Variants in ARMC7 observed in about 807,000 individuals in gnomAD.
ARMC7 encodes the protein armadillo repeat-containing protein 7.
A neutral mutation model predicts 14.8 loss-of-function variants in ARMC7; 9 were observed. The observed-to-expected ratio is 0.61, with a 90% CI of 0.37 to 1.06. The LOEUF is 1.06. Ranked by LOEUF, ARMC7 falls within the 50% of genes least tolerant of loss-of-function variation. ARMC7 has a pLI of 0.01. For synonymous variants in ARMC7, 125 were observed against 123.4 expected (o/e 1.01, Z -0.09); for missense variants, 262 against 267.1 (o/e 0.98, Z 0.13).
intron 2 of ARMC7, among the ~76,000 whole-genome samples, chr17:75,113,577 A>G (rs8066097): frequency 1.3e-5 from 2 of 151,328 alleles, no homozygotes; most frequent in Admixed American, 6.6e-5. Context: ...GGATGGGCTC[A>G]ATCTCCTGAC....
intron 2 of ARMC7, among the ~76,000 whole-genome samples, chr17:75,119,147 C>T (rs962376888): frequency 6.6e-6 from 1 of 151,868 alleles, no homozygotes; most frequent in Non-Finnish European, 1.5e-5. Context: ...GGACTGTACA[C>T]TGGTACACTG....
chr17:75,114,096 A>G (rs932364657), intron 2 of ARMC7: 1 of 401,086 alleles, frequency 2.5e-6, no homozygotes, highest in African/African-American at 2.1e-5. Flanking sequence ...TTATTATGCC[A>G]AACAAATATT....
chr17:75,116,669 A>G lies in ARMC7; in HGVS notation c.235+6063A>G, dbSNP rs181560449. On this transcript the variant is annotated intron_variant, in intron 2 of 2. Coordinates refer to ENST00000245543, the MANE Select transcript of ARMC7 (RefSeq NM_024585.4). The stretch of plus-strand genomic sequence containing the variant: ...CAGACCTGAGACTTAAACCCAGAGC[A>G]GTCAGAGTCTACAAGCTAGTCCCTT... Among the ~76,000 whole-genome samples the G allele has an allele frequency of 5.3e-3, 804 of 152,356 alleles. 4 individuals are homozygous for G. Among genetic ancestry groups the G allele is most frequent in the African/African-American group, 0.018 (744 of 41,594 alleles).
intron 2 of ARMC7, chr17:75,114,591 C>A: frequency 2.5e-6 from 1 of 395,178 alleles, no homozygotes; most frequent in Non-Finnish European, 4.5e-6. Flanking sequence ...GCGTCGCAAG[C>A]AGTTGTGGGA....
chr17:75,111,876 G>T (rs923244744), intron 2 of ARMC7, among the ~76,000 whole-genome samples: 1 of 151,494 alleles, frequency 6.6e-6, no homozygotes, highest in Non-Finnish European at 1.5e-5. Context: ...TTTATTGCGC[G>T]TGTACCGTAT....
chr17:75,126,220 C>T (rs959381149), intron 2 of ARMC7, among the ~76,000 whole-genome samples: 7 of 152,140 alleles, frequency 4.6e-5, no homozygotes, highest in African/African-American at 7.2e-5. Flanking sequence ...GTCATCTTCC[C>T]GCAGGGAGCA....
chr17:75,115,870 A>G (rs1206573440), intron 2 of ARMC7, among the ~76,000 whole-genome samples: 1 of 152,140 alleles, frequency 6.6e-6, no homozygotes, highest in Admixed American at 6.6e-5. Context: ...TAAATGAAAC[A>G]CCACAGTGCT....
At chr17:75,121,990 G>A (rs991391480) in intron 2 of ARMC7, among the ~76,000 whole-genome samples, 1 of 152,090 alleles carries the variant, frequency 6.6e-6, no homozygotes, top group African/African-American at 2.4e-5. Context: ...TGTTAATGGT[G>A]TCGTTTGATG....
At chr17:75,112,153 T>G (rs2073928594) in intron 2 of ARMC7, among the ~76,000 whole-genome samples, 1 of 152,106 alleles carries the variant, frequency 6.6e-6, no homozygotes, top group Admixed American at 6.6e-5. Context: ...AAGGCTGATG[T>G]GGGAGGATCG....
chr17:75,126,815 C>T (rs1369646595), intron 2 of ARMC7, among the ~76,000 whole-genome samples: 1 of 152,034 alleles, frequency 6.6e-6, no homozygotes, highest in South Asian at 2.1e-4. Flanking sequence ...AATCCCAGCA[C>T]TTTGGGAGGC....
chr17:75,126,373 A>G (rs1023188188), intron 2 of ARMC7, among the ~76,000 whole-genome samples: 2 of 152,220 alleles, frequency 1.3e-5, no homozygotes, highest in African/African-American at 2.4e-5. Flanking sequence ...TCTTTGATCC[A>G]GAACCACTGA....
At chr17:75,113,413 G>A (rs1420599445) in intron 2 of ARMC7, among the ~76,000 whole-genome samples, 1 of 150,570 alleles carries the variant, frequency 6.6e-6, no homozygotes, top group Non-Finnish European at 1.5e-5. Context: ...GGAGTGCAGT[G>A]GCGCGATCTC....
At chr17:75,125,291 G>A (rs1938673732) in intron 2 of ARMC7, among the ~76,000 whole-genome samples, 1 of 152,202 alleles carries the variant, frequency 6.6e-6, no homozygotes, top group African/African-American at 2.4e-5. Context: ...AGGTGATGAA[G>A]GGCTGCCCTG....
intron 2 of ARMC7, among the ~76,000 whole-genome samples, chr17:75,118,909 C>T (rs926543245): frequency 1.3e-4 from 20 of 152,222 alleles, no homozygotes; most frequent in Admixed American, 5.9e-4. Context: ...CTGGGGCTCC[C>T]GCTGTTAGTG....
In ARMC7 at chr17:75,120,454, T is replaced by C. The variant is rs143335416; in HGVS notation, c.236-8223T>C. Reference sequence around the variant, plus strand: ...CTTGCTTCTTGTTTTCTCTCTGTCTTGTGCAGAGCATGTTCATCAGGAAGT... The same window carrying C: ...CTTGCTTCTTGTTTTCTCTCTGTCTCGTGCAGAGCATGTTCATCAGGAAGT... On this transcript the variant is annotated intron_variant, in intron 2 of 2. Transcript: ENST00000245543. Among the ~76,000 whole-genome samples, 245 of 152,286 alleles carry C rather than the reference T, an allele frequency of 1.6e-3. 1 individual carries two copies. The highest frequency in any genetic ancestry group is 2.8e-3 in the Non-Finnish European group (188 of 68,028).
chr17:75,121,229 T>A (rs1480120132), intron 2 of ARMC7, among the ~76,000 whole-genome samples: 2 of 152,236 alleles, frequency 1.3e-5, no homozygotes, highest in Non-Finnish European at 2.9e-5. Flanking sequence ...AGAAGCTTTA[T>A]GAATGAAGCT....
intron 2 of ARMC7, among the ~76,000 whole-genome samples, chr17:75,117,293 T>C (rs543605158): frequency 9.9e-4 from 151 of 152,282 alleles, no homozygotes; most frequent in Non-Finnish European, 2.0e-3. Context: ...GCCAGGCTGA[T>C]CTCGAACTCC....
chr17:75,128,610 C>T lies in ARMC7; in HGVS notation c.236-67C>T, dbSNP rs912876018. The T allele has an allele frequency of 6.3e-5, 97 of 1,547,994 alleles. No homozygotes were observed. In the African/African-American group the frequency reaches 9.5e-4, roughly 15 times the overall value. On this transcript the variant is annotated intron_variant, in intron 2 of 2. Coordinates refer to ENST00000245543, the MANE Select transcript of ARMC7 (RefSeq NM_024585.4). ...ACAGCCTGGGCCCCTACCTGGGGCTCACGGGCAGGGGAGGTGGGAGGAGGC... is the reference window on the plus strand; with the variant it reads ...ACAGCCTGGGCCCCTACCTGGGGCTTACGGGCAGGGGAGGTGGGAGGAGGC...
At chr17:75,126,987 G>A (rs533414842) in intron 2 of ARMC7, among the ~76,000 whole-genome samples, 228 of 151,396 alleles carry the variant, frequency 1.5e-3, no homozygotes, top group Non-Finnish European at 2.6e-3. Flanking sequence ...ACTTGAACCC[G>A]GGAGGCGGAG....
Sources: gnomAD v4.1 joint callset for allele counts (sites outside exome capture counted in the v4.1 genomes callset) on GRCh38, gnomAD v4.1.1 for gene constraint, MANE v1.5 for transcripts, NCBI Gene and HGNC (gene_info 2026-07-23, HGNC 2026-07-21) for gene names.